RAB3C: variants seen among roughly 807,000 people sequenced by gnomAD.
The protein encoded by RAB3C is ras-related protein Rab-3C.
A neutral mutation model predicts 26.4 loss-of-function variants in RAB3C; 17 were observed. The ratio of observed to expected loss-of-function variants is 0.64; its 90% CI spans 0.44 to 0.97. The LOEUF is 0.97. Ranked by LOEUF, RAB3C falls within the 50% of genes least tolerant of loss-of-function variation. The pLI is 0.00. For synonymous variants in RAB3C, 91 were observed against 95.9 expected (o/e 0.95, Z 0.30); for missense variants, 242 against 281.9 (o/e 0.86, Z 1.01).
At chr5:58,712,690 A>G (rs1023232747) in intron 2 of RAB3C, among the ~76,000 whole-genome samples, 1 of 152,046 alleles carries the variant, frequency 6.6e-6, no homozygotes, top group South Asian at 2.1e-4. Flanking sequence ...ATGCCCGGCT[A>G]ATTTTTGTAT....
At chr5:58,599,500 C>T (rs576454267) in intron 1 of RAB3C, among the ~76,000 whole-genome samples, 57 of 152,248 alleles carry the variant, frequency 3.7e-4, no homozygotes, top group African/African-American at 1.3e-3. Flanking sequence ...GCTTACAATC[C>T]TCTCTCTGTG....
In RAB3C at chr5:58,832,683, C is replaced by T. The variant is rs552245968; in HGVS notation, c.496+7521C>T. Among the ~76,000 whole-genome samples, 14 of 152,286 alleles carry T rather than the reference C, an allele frequency of 9.2e-5. No individual in the cohort carries two copies. In the South Asian group the frequency reaches 2.3e-3, roughly 25 times the overall value. On this transcript the variant is annotated intron_variant, in intron 4 of 4. Coordinates refer to ENST00000282878, the MANE Select transcript of RAB3C (RefSeq NM_138453.4). The stretch of plus-strand genomic sequence containing the variant: ...TTTGGAGGCTCTGAGAAAGGTCACA[C>T]TGTGGAGACAATGTCTGAACCATGT...
intron 2 of RAB3C, among the ~76,000 whole-genome samples, chr5:58,628,503 G>A (rs1201474335): frequency 1.3e-5 from 2 of 152,124 alleles, no homozygotes; most frequent in Non-Finnish European, 2.9e-5. Flanking sequence ...TGGCCTTTTA[G>A]AACACAGCCA....
chr5:58,627,353 T>TTAA (rs557291106), intron 2 of RAB3C, among the ~76,000 whole-genome samples: 2 of 139,812 alleles, frequency 1.4e-5, no homozygotes, highest in Admixed American at 7.5e-5. Flanking sequence ...TAAACACAGC[T>TTAA]ACTCGGGAGG....
At chr5:58,652,062 G>T (rs973651036) in intron 2 of RAB3C, among the ~76,000 whole-genome samples, 4 of 152,060 alleles carry the variant, frequency 2.6e-5, no homozygotes, top group Non-Finnish European at 2.9e-5. Flanking sequence ...AGAACTGATG[G>T]ATCTGGAGGG....
intron 4 of RAB3C, among the ~76,000 whole-genome samples, 161 bp downstream of exon 4, chr5:58,825,323 C>T (rs1235552459): frequency 1.3e-5 from 2 of 152,166 alleles, no homozygotes; most frequent in Non-Finnish European, 2.9e-5. Flanking sequence ...TATATTTTCT[C>T]CCACTTACTA....
At chr5:58,763,082 A>G (rs1004848165) in intron 3 of RAB3C, among the ~76,000 whole-genome samples, 2 of 152,220 alleles carry the variant, frequency 1.3e-5, no homozygotes, top group African/African-American at 4.8e-5. Flanking sequence ...TTAAATTACA[A>G]CCAGGTAAGG....
chr5:58,831,671 T>C (rs571535723), intron 4 of RAB3C, among the ~76,000 whole-genome samples: 1 of 152,276 alleles, frequency 6.6e-6, no homozygotes, highest in African/African-American at 2.4e-5. Flanking sequence ...ATTTGCTTGT[T>C]TGTTACATTG....
At chr5:58,830,914 C>T (rs1329526999) in intron 4 of RAB3C, among the ~76,000 whole-genome samples, 1 of 151,956 alleles carries the variant, frequency 6.6e-6, no homozygotes, top group Non-Finnish European at 1.5e-5. Context: ...GCTCTGTTGC[C>T]CAGGCTGGAG....
chr5:58,614,424 A>C (rs955229945), intron 1 of RAB3C, among the ~76,000 whole-genome samples: 1 of 152,030 alleles, frequency 6.6e-6, no homozygotes, highest in East Asian at 1.9e-4. Context: ...TTCCAAATGC[A>C]TATCTTTTTG....
chr5:58,698,843 GT>G, intron 2 of RAB3C, among the ~76,000 whole-genome samples: 1 of 152,144 alleles, frequency 6.6e-6, no homozygotes, highest in Non-Finnish European at 1.5e-5. Context: ...TTTTCAATGT[GT>G]TTAACTTCCT....
chr5:58,853,602 G>GA lies in RAB3C; in HGVS notation c.*2253dup, dbSNP rs1744163477. ...TTGAAGTTAATTGGCCCTTAGATGG[G>GA]AAGCCCTAAGCCAAGCTCCCACTTA... On this transcript the variant is annotated 3_prime_UTR_variant, in exon 5 of 5. Transcript: ENST00000282878. 1 of 152,142 alleles carries GA rather than the reference G, an allele frequency of 6.6e-6. No homozygotes were observed. The highest frequency in any genetic ancestry group is 1.5e-5 in the Non-Finnish European group (1 of 68,038). 9.4% of individuals were successfully genotyped at this position (152,142 alleles called of 1,614,324 possible).
intron 2 of RAB3C, among the ~76,000 whole-genome samples, chr5:58,634,009 C>T (rs1579828525): frequency 6.6e-6 from 1 of 151,200 alleles, no homozygotes; most frequent in African/African-American, 2.4e-5. Context: ...GGCATGGTGG[C>T]TGGTGCCTGT....
chr5:58,841,701 G>A (rs889654892), intron 4 of RAB3C, among the ~76,000 whole-genome samples: 10 of 152,132 alleles, frequency 6.6e-5, no homozygotes, highest in Non-Finnish European at 1.3e-4. Flanking sequence ...GTGGGGGCTG[G>A]TGGGGATCAT....
chr5:58,651,044 G>A (rs577302763), intron 2 of RAB3C, among the ~76,000 whole-genome samples: 101 of 152,142 alleles, frequency 6.6e-4, no homozygotes, highest in Non-Finnish European at 1.4e-3. Context: ...GCAACATTTG[G>A]AGCCTGTAAT....
chr5:58,804,333 G>A (rs1036490039), intron 3 of RAB3C, among the ~76,000 whole-genome samples: 2 of 152,108 alleles, frequency 1.3e-5, no homozygotes, highest in African/African-American at 4.8e-5. Flanking sequence ...TGTGTGTTGT[G>A]CATTCCTATT....
chr5:58,669,742 A>G (rs937708534), intron 2 of RAB3C, among the ~76,000 whole-genome samples: 4 of 152,228 alleles, frequency 2.6e-5, no homozygotes, highest in African/African-American at 9.6e-5. Flanking sequence ...GATCAAATGA[A>G]TGACTCATGT....
chr5:58,751,003 C>T (rs537969811), intron 3 of RAB3C, among the ~76,000 whole-genome samples: 8 of 152,026 alleles, frequency 5.3e-5, no homozygotes, highest in South Asian at 4.2e-4. Context: ...TACAGGTGCC[C>T]GTCACCACAC....
At chr5:58,714,360 A>T (rs75743855) in intron 2 of RAB3C, among the ~76,000 whole-genome samples, 8,897 of 152,266 alleles carry the variant, frequency 0.058, 870 homozygotes, top group African/African-American at 0.2. Flanking sequence ...CTAGAATTAT[A>T]TACCCAGCTA....
Sources: gnomAD v4.1 joint callset for allele counts (sites outside exome capture counted in the v4.1 genomes callset) on GRCh38, gnomAD v4.1.1 for gene constraint, MANE v1.5 for transcripts, NCBI Gene and HGNC (gene_info 2026-07-23, HGNC 2026-07-21) for gene names.